The following SVEP1 variants were observed in gnomAD, a reference collection of about 807,000 sequenced individuals.
The protein encoded by SVEP1 is sushi, von Willebrand factor type A, EGF and pentraxin domain containing 1.
SVEP1 carries 164 observed loss-of-function variants against 367.3 expected under a neutral mutation model. The observed-to-expected ratio is 0.45, with a 90% CI of 0.39 to 0.51. The LOEUF (loss-of-function observed/expected upper bound fraction) is 0.51, where lower values mean the gene tolerates loss of function less well. Among genes scored for constraint, SVEP1 ranks in the 20% least tolerant of loss-of-function variants. The pLI, the probability that SVEP1 is intolerant of heterozygous loss-of-function variation, is 0.00. For synonymous variants in SVEP1, 1,666 were observed against 1,611.6 expected (o/e 1.03, Z -0.81); for missense variants, 4,117 against 4,425.3 (o/e 0.93, Z 1.98).
chr9:110,483,623 G>A lies in SVEP1; in HGVS notation c.2001C>T (p.Ala667=), dbSNP rs148619149. The change falls in exon 10 of 48, where the codon GCC becomes GCT. Residue 667 remains alanine, a synonymous_variant. Transcript: ENST00000374469. ...AGAACTGAGGCTCATCCCAGCTTGC[G>A]GCATGTACCTTCTCCGAGACCTGGA... ...PPVQVSEKVH[A]ASWDEPQFSD... 4.5e-4 allele frequency: 725 copies of A among 1,612,558 alleles called. 5 individuals carry two copies. The East Asian group carries it at 0.014, about 31-fold the overall frequency.
intron 17 of SVEP1, among the ~76,000 whole-genome samples, chr9:110,466,317 CAGA>C (rs909383022): frequency 3.3e-5 from 5 of 152,106 alleles, no homozygotes; most frequent in African/African-American, 1.2e-4. Context: ...ATACATAGCA[CAGA>C]AGGACACTAT....
intron 37 of SVEP1, among the ~76,000 whole-genome samples, chr9:110,410,449 T>G (rs1188862641): frequency 6.6e-6 from 1 of 152,226 alleles, no homozygotes; most frequent in East Asian, 1.9e-4. Context: ...GTCTAAGCAT[T>G]TAAAATTATA....
chr9:110,550,270 C>G (rs1830267690), intron 1 of SVEP1, among the ~76,000 whole-genome samples, 166 bp from the exon 2 acceptor site: 1 of 152,162 alleles, frequency 6.6e-6, no homozygotes, highest in East Asian at 1.9e-4. Context: ...TGAGAGCCTA[C>G]AATGATCTTC....
intron 1 of SVEP1, among the ~76,000 whole-genome samples, chr9:110,564,059 G>T (rs1830460837): frequency 6.6e-6 from 1 of 152,190 alleles, no homozygotes; most frequent in African/African-American, 2.4e-5. Flanking sequence ...AAGAGTGGGG[G>T]CATGGTCCTC....
At chr9:110,542,390 T>C (rs752953001) in intron 3 of SVEP1, among the ~76,000 whole-genome samples, 2 of 152,132 alleles carry the variant, frequency 1.3e-5, no homozygotes, top group Non-Finnish European at 1.5e-5. Flanking sequence ...TAAAAGGGAA[T>C]GATTTCCTTC....
At chr9:110,432,714 G>T (rs1828370328) in intron 30 of SVEP1, 79 bp from the exon 31 acceptor site, 1 of 1,472,926 alleles carries the variant, frequency 6.8e-7, no homozygotes, top group Non-Finnish European at 9.1e-7. Context: ...TAAACTAGCA[G>T]TTCAGTTAAG....
intron 8 of SVEP1, among the ~76,000 whole-genome samples, chr9:110,494,175 T>C (rs1353548940): frequency 2.6e-5 from 4 of 152,160 alleles, no homozygotes; most frequent in African/African-American, 9.7e-5. Context: ...TATTTGCAGG[T>C]TCTAGGGATT....
chr9:110,503,344 A>G (rs1453526137), intron 5 of SVEP1, 127 bp from the exon 6 acceptor site: 2 of 854,778 alleles, frequency 2.3e-6, no homozygotes, highest in African/African-American at 1.7e-5. Context: ...CAAACGACAC[A>G]TAATACACCA....
chr9:110,442,033 C>T (rs1828516536), intron 27 of SVEP1, among the ~76,000 whole-genome samples: 1 of 152,214 alleles, frequency 6.6e-6, no homozygotes, highest in African/African-American at 2.4e-5. Context: ...CAATCTTTTT[C>T]TAGCGCTTTC....
chr9:110,396,458 C>T (rs1307057849), intron 40 of SVEP1, among the ~76,000 whole-genome samples: 3 of 152,128 alleles, frequency 2.0e-5, no homozygotes, highest in Non-Finnish European at 2.9e-5. Context: ...CAAGAGCAAA[C>T]ACATTCAAAA....
chr9:110,436,634 G>T, intron 27 of SVEP1, 130 bp from the exon 28 acceptor site: 1 of 1,304,370 alleles, frequency 7.7e-7, no homozygotes, highest in Non-Finnish European at 1.0e-6. Flanking sequence ...GCAAAATTCT[G>T]TAAATTTACT....
chr9:110,557,522 T>C (rs1830370442), intron 1 of SVEP1, among the ~76,000 whole-genome samples: 1 of 151,658 alleles, frequency 6.6e-6, no homozygotes, highest in African/African-American at 2.4e-5. Context: ...TCCCTTTCTT[T>C]CTTTCTTTCA....
At chr9:110,464,911 G>A (rs750086471) in intron 18 of SVEP1, among the ~76,000 whole-genome samples, 1 of 150,870 alleles carries the variant, frequency 6.6e-6, no homozygotes, top group Non-Finnish European at 1.5e-5. Flanking sequence ...GGCTGACCTT[G>A]ACTGTCAGTC....
rs370628027 is a variant in SVEP1 at position 110,457,317 on chromosome 9, A to G, written c.3612T>C (p.Asn1204=). The part of the protein sequence containing the change: ...FHECFFNPCH[N]SGTCQQLGRG... Reference sequence around the variant, plus strand: ...GCCCAAGTTGCTGGCAGGTTCCACTATTGTGGCAAGGGTTAAAGAAGCATT... The same window carrying G: ...GCCCAAGTTGCTGGCAGGTTCCACTGTTGTGGCAAGGGTTAAAGAAGCATT... The change falls in exon 21 of 48, where the codon AAT becomes AAC. Residue 1204 remains asparagine, a synonymous_variant. Transcript: ENST00000374469. The G allele has an allele frequency of 6.2e-6, 10 of 1,612,610 alleles. No homozygotes were observed. The highest frequency in any genetic ancestry group is 8.5e-6 in the Non-Finnish European group (10 of 1,179,614).
chr9:110,439,025 G>T (rs1401372705), intron 27 of SVEP1, among the ~76,000 whole-genome samples: 1 of 152,068 alleles, frequency 6.6e-6, no homozygotes, highest in Admixed American at 6.6e-5. Context: ...TTAGCTAACA[G>T]ACTCTTCAAT....
chr9:110,472,806 G>C (rs1488730397), intron 14 of SVEP1, among the ~76,000 whole-genome samples: 1 of 152,144 alleles, frequency 6.6e-6, no homozygotes, highest in Admixed American at 6.5e-5. Flanking sequence ...GGTAAGGGTA[G>C]TTTTCAAAGG....
chr9:110,508,593 CTACTA>C (rs1319601564), intron 5 of SVEP1, among the ~76,000 whole-genome samples: 1 of 151,660 alleles, frequency 6.6e-6, no homozygotes, highest in Non-Finnish European at 1.5e-5. Context: ...AACCCCGTCT[CTACTA>C]AAAATACAAA....
chr9:110,519,728 T>G (rs1004076696), intron 3 of SVEP1, among the ~76,000 whole-genome samples: 30 of 151,934 alleles, frequency 2.0e-4, no homozygotes, highest in Non-Finnish European at 4.3e-4. Flanking sequence ...GGAGGGTGGG[T>G]TTGGTGTGCA....
intron 41 of SVEP1, among the ~76,000 whole-genome samples, chr9:110,388,531 T>TC (rs1827561437): frequency 6.6e-6 from 1 of 152,114 alleles, no homozygotes; most frequent in Admixed American, 6.6e-5. Flanking sequence ...TATTAAAAAT[T>TC]CCCCAAACAA....
Sources: allele counts gnomAD v4.1 joint callset (sites outside exome capture counted in the v4.1 genomes callset), GRCh38; gene constraint gnomAD v4.1.1; transcripts MANE v1.5; gene names NCBI Gene and HGNC (gene_info 2026-07-23, HGNC 2026-07-21).